The following APBA1 variants were observed in gnomAD, a reference collection of about 807,000 sequenced individuals.
APBA1 encodes the protein amyloid beta precursor protein binding family A member 1, also known as amyloid-beta A4 precursor protein-binding family A member 1.
APBA1 carries 55 observed loss-of-function variants against 86.6 expected under a neutral mutation model. The observed-to-expected ratio is 0.64, with a 90% CI of 0.51 to 0.80. APBA1 has a LOEUF of 0.80. Among genes scored for constraint, APBA1 ranks in the 30% least tolerant of loss-of-function variants. The pLI is 0.00. For missense variants in APBA1, 1,090 were observed against 1,183.0 expected (o/e 0.92, Z 1.15); for synonymous variants, 511 against 493.9 (o/e 1.03, Z -0.46).
At chr9:69,623,218 C>T (rs181018792) in intron 1 of APBA1, among the ~76,000 whole-genome samples, 8 of 152,142 alleles carry the variant, frequency 5.3e-5, no homozygotes, top group East Asian at 1.9e-4. Context: ...GAGTCTACTG[C>T]GCTTTCATTT....
Position 69,467,854 on chromosome 9 carries a change from A to T in APBA1, c.1451T>A (p.Met484Lys). Residue 484 changes from methionine to lysine, a missense_variant, in exon 5 of 13, where the codon ATG (methionine) becomes AAG (lysine). This residue lies in a region of APBA1 where 76 missense variants were observed against 122.2 expected (regional missense o/e 0.62). Transcript: ENST00000265381. ...CCTGCTTACGGCTTCCTGGGCCTGCATCATGCGCACGTTTTTGGAAGGAGT... is the reference window on the plus strand; with the variant it reads ...CCTGCTTACGGCTTCCTGGGCCTGCTTCATGCGCACGTTTTTGGAAGGAGT... ...DKTPSKNVRMMQAQEAVSRIK... is the reference protein window; with the variant it reads ...DKTPSKNVRMKQAQEAVSRIK... 6.2e-7 allele frequency: 1 copy of T among 1,614,140 alleles called. No homozygotes were observed. Among genetic ancestry groups the T allele is most frequent in the Non-Finnish European group, 8.5e-7 (1 of 1,180,026 alleles).
At chr9:69,638,225 ATTTTGT>A (rs372887935) in intron 1 of APBA1, among the ~76,000 whole-genome samples, 434 of 152,150 alleles carry the variant, frequency 2.9e-3, no homozygotes, top group Non-Finnish European at 4.4e-3. Flanking sequence ...TCAAGTGCAT[ATTTTGT>A]TTTTGTTTTT....
At chr9:69,444,919 TC>T (rs905573730) in intron 10 of APBA1, among the ~76,000 whole-genome samples, 4 of 152,090 alleles carry the variant, frequency 2.6e-5, no homozygotes, top group Admixed American at 2.6e-4. Context: ...GGGGCTGGAG[TC>T]CCTTCACCCT....
intron 1 of APBA1, among the ~76,000 whole-genome samples, chr9:69,564,405 CATTTTCACAGGTT>C (rs1836993737): frequency 6.6e-6 from 1 of 152,178 alleles, no homozygotes; most frequent in African/African-American, 2.4e-5. Flanking sequence ...ACTTTCGCCT[CATTTTCACAGGTT>C]ATTTTCACAG....
At chr9:69,449,514 C>G (rs1210490237) in intron 10 of APBA1, 70 bp downstream of exon 10, 1 of 1,371,540 alleles carries the variant, frequency 7.3e-7, no homozygotes. Context: ...ACATTAATGA[C>G]TGGATGGGGG....
intron 2 of APBA1, among the ~76,000 whole-genome samples, chr9:69,512,304 G>A (rs527352434): frequency 2.6e-5 from 4 of 151,988 alleles, no homozygotes; most frequent in Non-Finnish European, 4.4e-5. Context: ...TTATGGATTA[G>A]CAATCCCATT....
At chr9:69,484,917 C>T (rs1835582106) in intron 2 of APBA1, among the ~76,000 whole-genome samples, 1 of 152,056 alleles carries the variant, frequency 6.6e-6, no homozygotes, top group South Asian at 2.1e-4. Context: ...AGGCCCTTTT[C>T]TGACACAGCA....
intron 10 of APBA1, 51 bp downstream of exon 10, chr9:69,449,533 C>G: frequency 6.6e-7 from 1 of 1,511,486 alleles, no homozygotes; most frequent in Non-Finnish European, 9.2e-7. Flanking sequence ...GGTCACACTT[C>G]ACATCACTTG....
intron 1 of APBA1, among the ~76,000 whole-genome samples, chr9:69,554,864 T>G (rs1457463037): frequency 6.6e-6 from 1 of 152,320 alleles, no homozygotes; most frequent in East Asian, 1.9e-4. Context: ...TTTCTATTTA[T>G]TTTGATTCAG....
chr9:69,670,226 T>C (rs1292172897), intron 1 of APBA1, among the ~76,000 whole-genome samples: 1 of 152,086 alleles, frequency 6.6e-6, no homozygotes, highest in Non-Finnish European at 1.5e-5. Flanking sequence ...TTAAATAAGA[T>C]ACATGGGAAG....
chr9:69,607,232 C>T (rs1010343134), intron 1 of APBA1, among the ~76,000 whole-genome samples: 2 of 152,134 alleles, frequency 1.3e-5, no homozygotes, highest in Non-Finnish European at 2.9e-5. Flanking sequence ...GAAGGCCTCA[C>T]GGTCATGGCA....
chr9:69,590,979 G>A (rs939353254), intron 1 of APBA1, among the ~76,000 whole-genome samples: 7 of 152,196 alleles, frequency 4.6e-5, no homozygotes, highest in African/African-American at 1.2e-4. Flanking sequence ...GAATAGACCC[G>A]TGAAGAAAAT....
At chr9:69,512,801 GGT>G (rs1257049542) in intron 2 of APBA1, among the ~76,000 whole-genome samples, 1 of 152,070 alleles carries the variant, frequency 6.6e-6, no homozygotes, top group African/African-American at 2.4e-5. Context: ...CAGGTATTCT[GGT>G]TTGGAAACGA....
At chr9:69,596,338 C>A (rs1822229079) in intron 1 of APBA1, among the ~76,000 whole-genome samples, 1 of 152,168 alleles carries the variant, frequency 6.6e-6, no homozygotes, top group Non-Finnish European at 1.5e-5. Flanking sequence ...CTTTTACCCA[C>A]TGATATGGAA....
chr9:69,487,694 C>T (rs911994016), intron 2 of APBA1, among the ~76,000 whole-genome samples: 1 of 152,040 alleles, frequency 6.6e-6, no homozygotes, highest in Admixed American at 6.6e-5. Context: ...GGCTGTCCCT[C>T]GTGAACCCCC....
At chr9:69,486,659 A>G (rs1835614415) in intron 2 of APBA1, among the ~76,000 whole-genome samples, 1 of 151,948 alleles carries the variant, frequency 6.6e-6, no homozygotes, top group Non-Finnish European at 1.5e-5. Flanking sequence ...GTCTTCACAG[A>G]GTAGTATGGG....
intron 1 of APBA1, among the ~76,000 whole-genome samples, chr9:69,521,966 G>A (rs1836259718): frequency 6.6e-6 from 1 of 151,824 alleles, no homozygotes; most frequent in African/African-American, 2.4e-5. Context: ...TTAAGCAGGG[G>A]ATTGATAAGG....
At chr9:69,550,918 T>C (rs1486719440) in intron 1 of APBA1, among the ~76,000 whole-genome samples, 1 of 152,190 alleles carries the variant, frequency 6.6e-6, no homozygotes, top group African/African-American at 2.4e-5. Context: ...TCTATCAATA[T>C]GCATACATAG....
At chr9:69,614,954 G>A (rs991730296) in intron 1 of APBA1, among the ~76,000 whole-genome samples, 3 of 152,174 alleles carry the variant, frequency 2.0e-5, no homozygotes, top group Non-Finnish European at 4.4e-5. Context: ...ATCCCAGCAC[G>A]TTGGAGGGCT....
Sources: gnomAD v4.1 joint callset for allele counts (sites outside exome capture counted in the v4.1 genomes callset) on GRCh38, gnomAD v4.1.1 for gene constraint, gnomAD v4.1.1 regional missense constraint, MANE v1.5 for transcripts, NCBI Gene and HGNC (gene_info 2026-07-23, HGNC 2026-07-21) for gene names.